The following HCN1 variants were observed in gnomAD, a reference collection of about 807,000 sequenced individuals.
HCN1 encodes the protein hyperpolarization activated cyclic nucleotide gated potassium channel 1.
In HCN1, 13 loss-of-function variants were observed where a neutral mutation model predicts 78.9. The observed-to-expected ratio is 0.16, with a 90% CI of 0.11 to 0.26. The LOEUF (loss-of-function observed/expected upper bound fraction) is 0.26, where lower values mean the gene tolerates loss of function less well. Among genes scored for constraint, HCN1 ranks in the 10% least tolerant of loss-of-function variants. The pLI is 1.00. For missense variants in HCN1, 810 were observed against 1,154.3 expected (o/e 0.70, Z 4.32); for synonymous variants, 552 against 455.5 (o/e 1.21, Z -2.70).
intron 2 of HCN1, among the ~76,000 whole-genome samples, chr5:45,496,743 C>G (rs1178804840): frequency 6.6e-6 from 1 of 152,118 alleles, no homozygotes; most frequent in African/African-American, 2.4e-5. Flanking sequence ...TTGCCTTCTG[C>G]TAGCTTTTGA....
intron 4 of HCN1, among the ~76,000 whole-genome samples, chr5:45,353,986 G>A (rs1361055137): frequency 6.6e-6 from 1 of 151,786 alleles, no homozygotes; most frequent in African/African-American, 2.4e-5. Context: ...TCCCGAGATT[G>A]ATTCTATTGA....
intron 2 of HCN1, among the ~76,000 whole-genome samples, chr5:45,547,566 A>G (rs1328827871): frequency 6.6e-6 from 1 of 151,896 alleles, no homozygotes; most frequent in Non-Finnish European, 1.5e-5. Flanking sequence ...CATATGAGTT[A>G]TTCCTTATCT....
intron 6 of HCN1, among the ~76,000 whole-genome samples, chr5:45,297,658 AT>A (rs1745526807): frequency 6.6e-6 from 1 of 152,116 alleles, no homozygotes; most frequent in African/African-American, 2.4e-5. Flanking sequence ...AGCACATTAC[AT>A]GAATAAAAAT....
chr5:45,509,568 A>C (rs1742370169), intron 2 of HCN1, among the ~76,000 whole-genome samples: 1 of 152,122 alleles, frequency 6.6e-6, no homozygotes, highest in South Asian at 2.1e-4. Context: ...GTGTGATTCC[A>C]GTGTTTAAAG....
chr5:45,274,089 C>T (rs1745008216), intron 6 of HCN1, among the ~76,000 whole-genome samples: 1 of 152,036 alleles, frequency 6.6e-6, no homozygotes, highest in South Asian at 2.1e-4. Context: ...AGATTGAATA[C>T]AACAAATTTC....
intron 2 of HCN1, among the ~76,000 whole-genome samples, chr5:45,606,102 T>C (rs1744722575): frequency 6.6e-6 from 1 of 152,060 alleles, no homozygotes; most frequent in Admixed American, 6.6e-5. Flanking sequence ...CAGTTTATGG[T>C]TCCACCATCA....
intron 6 of HCN1, among the ~76,000 whole-genome samples, chr5:45,272,715 A>T (rs1744982879): frequency 6.6e-6 from 1 of 152,062 alleles, no homozygotes; most frequent in African/African-American, 2.4e-5. Context: ...GTTTTGTGCA[A>T]TGTTTATAAT....
intron 2 of HCN1, among the ~76,000 whole-genome samples, chr5:45,613,276 T>C (rs1744876784): frequency 6.6e-6 from 1 of 151,652 alleles, no homozygotes; most frequent in Non-Finnish European, 1.5e-5. Context: ...GTTCTTGTGA[T>C]AGTTTACTGA....
chr5:45,396,691 T>A lies in HCN1; in HGVS notation c.1031A>T (p.Gln344Leu), dbSNP rs754168983. ...AGCTTTGAAGAGTGCGTATGAATAC[T>A]GCTTTCCCCAAGAATCATTCTGCAA... ...NEMVNDSWGK[Q>L]YSYALFKAMS... Residue 344 changes from glutamine to leucine, a missense_variant, in exon 4 of 8, where the codon CAG (glutamine) becomes CTG (leucine). Gln to Leu is a moderately radical substitution (Grantham distance 113, BLOSUM62 -2). Coordinates refer to ENST00000303230, the MANE Select transcript of HCN1 (RefSeq NM_021072.4). 1 of 1,613,688 alleles carries A rather than the reference T, an allele frequency of 6.2e-7. No individual in the cohort carries two copies. Among genetic ancestry groups the A allele is most frequent in the Non-Finnish European group, 8.5e-7 (1 of 1,179,694 alleles).
chr5:45,450,646 A>G (rs1405840954), intron 3 of HCN1, among the ~76,000 whole-genome samples: 1 of 152,220 alleles, frequency 6.6e-6, no homozygotes, highest in Admixed American at 6.5e-5. Flanking sequence ...CAGGTACTAA[A>G]TATTAGATAT....
At chr5:45,484,537 C>T (rs1741721357) in intron 2 of HCN1, among the ~76,000 whole-genome samples, 1 of 152,108 alleles carries the variant, frequency 6.6e-6, no homozygotes, top group African/African-American at 2.4e-5. Flanking sequence ...CTTGCCCTCC[C>T]CCTCTCTTCC....
chr5:45,626,818 G>T (rs1218146332), intron 2 of HCN1, among the ~76,000 whole-genome samples: 1 of 151,958 alleles, frequency 6.6e-6, no homozygotes, highest in Non-Finnish European at 1.5e-5. Flanking sequence ...TTCATTTGGA[G>T]GACGCAGAGA....
intron 2 of HCN1, among the ~76,000 whole-genome samples, chr5:45,595,096 T>G (rs1257121229): frequency 1.3e-5 from 2 of 152,130 alleles, no homozygotes; most frequent in African/African-American, 4.8e-5. Context: ...GGCAGGATAT[T>G]TTTTTCCAAG....
intron 2 of HCN1, among the ~76,000 whole-genome samples, chr5:45,526,988 A>G (rs775024151): frequency 7.2e-6 from 1 of 139,278 alleles, no homozygotes; most frequent in Non-Finnish European, 1.6e-5. Context: ...TCAGTCGTCT[A>G]TCAGAAATCT....
chr5:45,418,255 G>A (rs1740157621), intron 3 of HCN1, among the ~76,000 whole-genome samples: 2 of 151,576 alleles, frequency 1.3e-5, no homozygotes, highest in African/African-American at 4.8e-5. Context: ...GCAAAGAAAG[G>A]TGAGAAAACA....
chr5:45,493,016 G>A (rs921639297), intron 2 of HCN1, among the ~76,000 whole-genome samples: 5 of 151,956 alleles, frequency 3.3e-5, no homozygotes, highest in Non-Finnish European at 7.4e-5. Flanking sequence ...GTAAAATATA[G>A]AGAGAATCAT....
intron 2 of HCN1, chr5:45,643,369 G>T (rs1266666348): frequency 6.6e-6 from 1 of 152,062 alleles, no homozygotes; most frequent in African/African-American, 2.4e-5. Flanking sequence ...TTATATCAGT[G>T]ACTTTCCTCT....
In HCN1 at chr5:45,412,224, C is replaced by T. The variant is rs371021061; in HGVS notation, c.1012-15514G>A. 6.6e-5 allele frequency among the ~76,000 whole-genome samples: 10 copies of T among 152,236 alleles called. No homozygotes were observed. The East Asian group carries it at 1.2e-3, about 18-fold the overall frequency. On this transcript the variant is annotated intron_variant, in intron 3 of 7. Transcript: ENST00000303230. ...AGCTAGTTCTAAAATGATTTATCTG[C>T]TTCAGTGAGTTTAAAGCATTTCATC...
At chr5:45,464,011 T>C (rs1196345527) in intron 2 of HCN1, among the ~76,000 whole-genome samples, 1 of 152,106 alleles carries the variant, frequency 6.6e-6, no homozygotes, top group African/African-American at 2.4e-5. Context: ...CATTCAATTA[T>C]CAGGCTTTAG....
Sources: gnomAD v4.1 joint callset for allele counts (sites outside exome capture counted in the v4.1 genomes callset) on GRCh38, gnomAD v4.1.1 for gene constraint, MANE v1.5 for transcripts, NCBI Gene and HGNC (gene_info 2026-07-23, HGNC 2026-07-21) for gene names.